The following CACNA1D variants were observed in gnomAD, a reference collection of about 807,000 sequenced individuals.
CACNA1D encodes voltage-dependent L-type calcium channel subunit alpha-1D.
Under a neutral mutation model 257.1 loss-of-function variants are expected in CACNA1D, and 55 were observed. The ratio of observed to expected loss-of-function variants is 0.21; its 90% CI spans 0.17 to 0.27. The LOEUF (loss-of-function observed/expected upper bound fraction) is 0.27. Ranked by LOEUF, CACNA1D falls within the 10% of genes least tolerant of loss-of-function variation. The pLI is 1.00. For missense variants in CACNA1D, 1,876 were observed against 2,784.0 expected (o/e 0.67, Z 7.34); for synonymous variants, 980 against 1,014.9 (o/e 0.97, Z 0.65).
At chr3:53,627,104 C>T (rs2093767944) in intron 3 of CACNA1D, among the ~76,000 whole-genome samples, 1 of 152,242 alleles carries the variant, frequency 6.6e-6, no homozygotes, top group Non-Finnish European at 1.5e-5. Flanking sequence ...CAGCAGCACC[C>T]TTGGTCTGAC....
chr3:53,762,142 C>T (rs549433423), intron 30 of CACNA1D, 61 bp downstream of exon 30: 31 of 1,020,550 alleles, frequency 3.0e-5, no homozygotes, highest in South Asian at 1.8e-4. Context: ...GTGCATACTC[C>T]GCTCCCTGCC....
intron 3 of CACNA1D, among the ~76,000 whole-genome samples, chr3:53,533,390 T>G (rs2092011368): frequency 6.6e-6 from 1 of 152,134 alleles, no homozygotes; most frequent in African/African-American, 2.4e-5. Context: ...TGGGGTGACT[T>G]TGGCCAAAAA....
At chr3:53,735,319 C>G in intron 19 of CACNA1D, 55 bp from the exon 20 acceptor site, 1 of 1,559,540 alleles carries the variant, frequency 6.4e-7, no homozygotes, top group Non-Finnish European at 8.8e-7. Flanking sequence ...TCTTAAGGAC[C>G]CAGTGTGTTC....
chr3:53,754,079 A>G (rs981848566), intron 29 of CACNA1D, among the ~76,000 whole-genome samples: 6 of 152,248 alleles, frequency 3.9e-5, no homozygotes, highest in African/African-American at 1.4e-4. Flanking sequence ...ATACTTTCAG[A>G]TATCTAGTCT....
chr3:53,568,315 G>T (rs1315615115), intron 3 of CACNA1D, among the ~76,000 whole-genome samples: 1 of 152,194 alleles, frequency 6.6e-6, no homozygotes, highest in East Asian at 1.9e-4. Flanking sequence ...CACTGGCATT[G>T]ATGCTACATT....
At chr3:53,688,540 T>C (rs923874131) in intron 8 of CACNA1D, among the ~76,000 whole-genome samples, 3 of 152,176 alleles carry the variant, frequency 2.0e-5, no homozygotes, top group African/African-American at 7.2e-5. Context: ...TTTCCAAGTA[T>C]GTGGGAGCTC....
At chr3:53,654,394 T>G (rs183331847) in intron 4 of CACNA1D, among the ~76,000 whole-genome samples, 1 of 152,304 alleles carries the variant, frequency 6.6e-6, no homozygotes, top group East Asian at 1.9e-4. Flanking sequence ...AGAAATAAAG[T>G]ACATGACAAT....
At chr3:53,768,006 C>T (rs1230321562) in intron 30 of CACNA1D, among the ~76,000 whole-genome samples, 2 of 152,182 alleles carry the variant, frequency 1.3e-5, no homozygotes, top group East Asian at 3.9e-4. Context: ...CCCTTTTGTT[C>T]TTTTAAACAG....
At chr3:53,733,950 G>GTGTGTGTGTA (rs1553652586) in intron 19 of CACNA1D, among the ~76,000 whole-genome samples, 1 of 144,084 alleles carries the variant, frequency 6.9e-6, no homozygotes, top group Non-Finnish European at 1.5e-5. Flanking sequence ...GTGTGTGTGT[G>GTGTGTGTGTA]TGTATGTATG....
At chr3:53,747,727 G>A (rs1386148196) in intron 26 of CACNA1D, among the ~76,000 whole-genome samples, 2 of 152,244 alleles carry the variant, frequency 1.3e-5, no homozygotes, top group Admixed American at 6.5e-5. Flanking sequence ...CCCATTGGAT[G>A]TCAGGAAAGC....
intron 3 of CACNA1D, among the ~76,000 whole-genome samples, chr3:53,552,462 C>A (rs2092554147): frequency 6.6e-6 from 1 of 152,136 alleles, no homozygotes; most frequent in Non-Finnish European, 1.5e-5. Context: ...CTCACTGCAA[C>A]CTCTGCCTTC....
chr3:53,652,102 T>G (rs2108281445), intron 4 of CACNA1D, among the ~76,000 whole-genome samples: 1 of 152,288 alleles, frequency 6.6e-6, no homozygotes, highest in South Asian at 2.1e-4. Flanking sequence ...AGCAGATATG[T>G]GCCGTACTTT....
At chr3:53,799,469 C>T (rs961340040) in intron 40 of CACNA1D, among the ~76,000 whole-genome samples, 5 of 152,208 alleles carry the variant, frequency 3.3e-5, no homozygotes, top group African/African-American at 1.2e-4. Flanking sequence ...TGCAGAGTAT[C>T]TGTGACGGGC....
intron 43 of CACNA1D, 82 bp downstream of exon 43, chr3:53,802,255 A>C (rs1351930647): frequency 1.8e-6 from 2 of 1,095,228 alleles, no homozygotes; most frequent in Non-Finnish European, 2.8e-6. Flanking sequence ...GAAGAATGAG[A>C]AACACTTCTT....
intron 3 of CACNA1D, among the ~76,000 whole-genome samples, chr3:53,580,180 T>C (rs2093107803): frequency 6.6e-6 from 1 of 152,204 alleles, no homozygotes; most frequent in Non-Finnish European, 1.5e-5. Context: ...GAGTGCTTTC[T>C]TTTGAGGGAG....
intron 3 of CACNA1D, among the ~76,000 whole-genome samples, chr3:53,639,227 C>T (rs1314833816): frequency 6.6e-6 from 1 of 151,962 alleles, no homozygotes; most frequent in African/African-American, 2.4e-5. Flanking sequence ...ATGGTGAAAC[C>T]CTGTCTCTAC....
At chr3:53,699,292 CT>C (rs1049530171) in intron 8 of CACNA1D, among the ~76,000 whole-genome samples, 3 of 152,200 alleles carry the variant, frequency 2.0e-5, no homozygotes, top group African/African-American at 7.2e-5. Context: ...GCTAATTTTT[CT>C]CCCTTTGATA....
intron 3 of CACNA1D, among the ~76,000 whole-genome samples, chr3:53,578,161 A>G (rs1251449579): frequency 6.6e-6 from 1 of 150,636 alleles, no homozygotes; most frequent in African/African-American, 2.4e-5. Context: ...ATTCTGTGGT[A>G]TAAGGTGGAA....
At chr3:53,592,761 T>C (rs917479167) in intron 3 of CACNA1D, among the ~76,000 whole-genome samples, 11 of 151,726 alleles carry the variant, frequency 7.2e-5, no homozygotes, top group Non-Finnish European at 1.5e-4. Context: ...TGGAGTGCAA[T>C]GGCACAACCT....
Sources: allele counts gnomAD v4.1 joint callset (sites outside exome capture counted in the v4.1 genomes callset), GRCh38; gene constraint gnomAD v4.1.1; transcripts MANE v1.5; gene names NCBI Gene and HGNC (gene_info 2026-07-23, HGNC 2026-07-21).